MAGI2: variants seen among roughly 807,000 people sequenced by gnomAD.
The protein encoded by MAGI2 is membrane-associated guanylate kinase, WW and PDZ domain-containing protein 2.
Under a neutral mutation model 133.3 loss-of-function variants are expected in MAGI2, and 35 were observed. The observed-to-expected ratio is 0.26, with a 90% CI of 0.20 to 0.35. MAGI2 has a LOEUF of 0.35. MAGI2 is among the 10% of genes least tolerant of loss of function. MAGI2 has a pLI of 1.00. For synonymous variants in MAGI2, 729 were observed against 710.6 expected, an observed-to-expected ratio of 1.03 and a Z score of -0.41; for missense variants, 1,636 against 1,863.4, an observed-to-expected ratio of 0.88 and a Z score of 2.25.
intron 1 of MAGI2, among the ~76,000 whole-genome samples, chr7:79,111,334 C>G (rs1453883565): frequency 6.6e-6 from 1 of 152,128 alleles, no homozygotes; most frequent in Non-Finnish European, 1.5e-5. Flanking sequence ...CTTGACAAGC[C>G]TGATGATTTT....
intron 2 of MAGI2, among the ~76,000 whole-genome samples, chr7:78,641,571 T>A (rs1285596019): frequency 6.6e-6 from 1 of 152,216 alleles, no homozygotes; most frequent in Non-Finnish European, 1.5e-5. Context: ...CTCCTAGATT[T>A]GTACTTGTAA....
At chr7:78,326,358 G>A (rs1788588322) in intron 9 of MAGI2, among the ~76,000 whole-genome samples, 2 of 152,310 alleles carry the variant, frequency 1.3e-5, no homozygotes, top group Non-Finnish European at 1.5e-5. Flanking sequence ...TCTTATGAGA[G>A]ACTCATTCCT....
At chr7:79,301,110 C>T (rs530245220) in intron 1 of MAGI2, among the ~76,000 whole-genome samples, 2 of 152,304 alleles carry the variant, frequency 1.3e-5, no homozygotes, top group African/African-American at 2.4e-5. Flanking sequence ...CCACAGAGAA[C>T]CTCTGCTATG....
chr7:78,876,748 A>G lies in MAGI2; in HGVS notation c.418+130342T>C, dbSNP rs557180201. ...AATGCTGTTTGTTATAGGACATTCA[A>G]TTCCATGCTTTTTAGAAGAAAGGTG... On this transcript the variant is annotated intron_variant, in intron 2 of 21. Transcript: ENST00000354212. 2.0e-5 allele frequency among the ~76,000 whole-genome samples: 3 copies of G among 152,346 alleles called. No homozygotes were observed. The East Asian group carries it at 5.8e-4, about 29-fold the overall frequency.
intron 1 of MAGI2, among the ~76,000 whole-genome samples, chr7:79,031,946 A>G (rs10232994): frequency 0.12 from 17,997 of 152,136 alleles, 1,515 homozygotes; most frequent in African/African-American, 0.24. Flanking sequence ...GTATATTCAC[A>G]TCAGGTATGA....
At chr7:78,473,223 A>G (rs1352173443) in intron 6 of MAGI2, among the ~76,000 whole-genome samples, 1 of 152,054 alleles carries the variant, frequency 6.6e-6, no homozygotes, top group Non-Finnish European at 1.5e-5. Flanking sequence ...ATCTGATCCC[A>G]TTACTTAGCT....
intron 2 of MAGI2, among the ~76,000 whole-genome samples, chr7:78,906,278 TCTC>T (rs1459743062): frequency 6.6e-6 from 1 of 152,214 alleles, no homozygotes; most frequent in Non-Finnish European, 1.5e-5. Context: ...CTAGAAAAGT[TCTC>T]CTTTGGTACC....
intron 1 of MAGI2, among the ~76,000 whole-genome samples, chr7:79,369,228 G>C (rs369999000): frequency 1.3e-5 from 2 of 152,250 alleles, no homozygotes; most frequent in African/African-American, 4.8e-5. Context: ...AGTGAATAAA[G>C]ACAAGAGCAT....
At chr7:78,524,097 C>T (rs1796744301) in intron 3 of MAGI2, among the ~76,000 whole-genome samples, 1 of 151,974 alleles carries the variant, frequency 6.6e-6, no homozygotes, top group Non-Finnish European at 1.5e-5. Context: ...GCTGAGCCTC[C>T]ATCACGTGAG....
Position 78,018,001 on chromosome 7 carries a change from CTAAT to C in MAGI2, c.*1310_*1313del, listed in dbSNP as rs1423427370. 3.9e-5 allele frequency: 6 copies of C among 152,264 alleles called. No homozygotes were observed. The highest frequency in any genetic ancestry group is 2.1e-4 in the South Asian group (1 of 4,826). 9.4% of individuals were successfully genotyped at this position (152,264 alleles called of 1,614,324 possible). A position where few individuals can be genotyped will look rare whatever the true frequency, so the allele number is the denominator to read the frequency against. ...GTGTAGCTACAGTAAGTACCAATGG[CTAAT>C]TAATTGAAGCTAACATTTTACAAAG... On this transcript the variant is annotated 3_prime_UTR_variant, in exon 22 of 22. Coordinates refer to ENST00000354212, the MANE Select transcript of MAGI2 (RefSeq NM_012301.4).
At chr7:79,372,131 T>G in intron 1 of MAGI2, among the ~76,000 whole-genome samples, 1 of 152,176 alleles carries the variant, frequency 6.6e-6, no homozygotes, top group East Asian at 1.9e-4. Context: ...TAATCTATAG[T>G]GCTTTCTTGG....
At chr7:78,850,771 C>A (rs1373058374) in intron 2 of MAGI2, among the ~76,000 whole-genome samples, 1 of 152,016 alleles carries the variant, frequency 6.6e-6, no homozygotes, top group Non-Finnish European at 1.5e-5. Context: ...CTTGCTATGC[C>A]CCCAAATTAT....
chr7:78,732,839 TAAC>T (rs924028950), intron 2 of MAGI2, among the ~76,000 whole-genome samples: 4 of 152,116 alleles, frequency 2.6e-5, no homozygotes, highest in African/African-American at 9.7e-5. Context: ...GGGTGTAAAG[TAAC>T]AACACCTTTA....
intron 1 of MAGI2, among the ~76,000 whole-genome samples, chr7:79,084,395 T>C (rs1014196691): frequency 4.0e-5 from 6 of 151,794 alleles, no homozygotes; most frequent in African/African-American, 1.4e-4. Context: ...TTCTGATTTC[T>C]TTTTTGACTC....
chr7:79,227,620 C>T (rs1830969166), intron 1 of MAGI2, among the ~76,000 whole-genome samples: 1 of 152,104 alleles, frequency 6.6e-6, no homozygotes, highest in South Asian at 2.1e-4. Flanking sequence ...TCACTTCTTT[C>T]TCTGATACAC....
chr7:78,152,821 G>C (rs1824017863), intron 16 of MAGI2, among the ~76,000 whole-genome samples: 1 of 152,174 alleles, frequency 6.6e-6, no homozygotes, highest in South Asian at 2.1e-4. Context: ...TGACACCACT[G>C]TGCCTCCTGA....
At chr7:78,288,254 A>G (rs1485077187) in intron 9 of MAGI2, among the ~76,000 whole-genome samples, 1 of 152,216 alleles carries the variant, frequency 6.6e-6, no homozygotes, top group Non-Finnish European at 1.5e-5. Flanking sequence ...TAACATGACA[A>G]TGTAATAATA....
chr7:78,304,345 CT>C (rs1562790814), intron 9 of MAGI2, among the ~76,000 whole-genome samples: 1 of 152,174 alleles, frequency 6.6e-6, no homozygotes, highest in East Asian at 1.9e-4. Flanking sequence ...ATGCTCCTAC[CT>C]TTTCCTCTCC....
In MAGI2 at chr7:78,614,582, A is replaced by G. The variant is rs1806864517; in HGVS notation, c.538+12538T>C. ...AAATATCTAATCACTTTTTAAATGT[A>G]TATTTATATATACTTAGAATGTTTT... On this transcript the variant is annotated intron_variant, in intron 3 of 21. Transcript: ENST00000354212. The G allele has an allele frequency of 2.0e-5, 3 of 152,310 alleles. No individual in the cohort carries two copies. The South Asian group carries it at 6.2e-4, about 32-fold the overall frequency. 9.4% of individuals were successfully genotyped at this position (152,310 alleles called of 1,614,324 possible). A position where few individuals can be genotyped will look rare whatever the true frequency, so the allele number is the denominator to read the frequency against.
Sources: gnomAD v4.1 joint callset for allele counts (sites outside exome capture counted in the v4.1 genomes callset) on GRCh38, gnomAD v4.1.1 for gene constraint, MANE v1.5 for transcripts, NCBI Gene and HGNC (gene_info 2026-07-23, HGNC 2026-07-21) for gene names.